ATG13: variants seen among roughly 807,000 people sequenced by gnomAD.
ATG13 encodes the protein autophagy related 13, also known as autophagy-related protein 13.
ATG13 carries 23 observed loss-of-function variants against 65.5 expected under a neutral mutation model. That is an observed-to-expected ratio of 0.35 (90% confidence interval 0.25 to 0.50). The LOEUF (loss-of-function observed/expected upper bound fraction) is 0.50. ATG13 is among the 20% of genes least tolerant of loss of function. The probability of loss-of-function intolerance (pLI) is 0.98; values close to 1 mark genes in which losing one functional copy is unlikely to be tolerated. For synonymous variants in ATG13, 252 were observed against 245.2 expected (o/e 1.03, Z -0.26); for missense variants, 566 against 677.0 (o/e 0.84, Z 1.82).
intron 2 of ATG13, 112 bp from the exon 3 acceptor site, chr11:46,644,167 C>T: frequency 2.7e-6 from 2 of 737,562 alleles, no homozygotes; most frequent in South Asian, 3.0e-5. Flanking sequence ...TTTTTCCTCC[C>T]ACTCCCACAT....
intron 16 of ATG13, 36 bp downstream of exon 16, chr11:46,668,612 G>A (rs190398050): frequency 6.3e-7 from 1 of 1,594,014 alleles, no homozygotes; most frequent in East Asian, 2.2e-5. Flanking sequence ...CCCAGTAGAT[G>A]GTGCGCTAGT....
At chr11:46,642,631 C>T (rs151067219) in intron 2 of ATG13, among the ~76,000 whole-genome samples, 218 of 152,250 alleles carry the variant, frequency 1.4e-3, no homozygotes, top group Non-Finnish European at 1.9e-3. Flanking sequence ...AAATATCACC[C>T]AATCATGCCT....
intron 2 of ATG13, among the ~76,000 whole-genome samples, chr11:46,639,280 C>G (rs1374738762): frequency 6.6e-6 from 1 of 152,144 alleles, no homozygotes. Context: ...GCCACCATGC[C>G]CAGCTTCCAC....
chr11:46,665,871 C>T (rs900274832), intron 14 of ATG13, among the ~76,000 whole-genome samples: 2 of 127,286 alleles, frequency 1.6e-5, no homozygotes, highest in African/African-American at 6.1e-5. Flanking sequence ...GTGGTACAAT[C>T]ATGGCTTATT....
chr11:46,664,250 G>A (rs908001565), intron 12 of ATG13, 155 bp downstream of exon 12: 7 of 575,278 alleles, frequency 1.2e-5, no homozygotes, highest in Middle Eastern at 4.6e-4. Flanking sequence ...ACACAGCCAC[G>A]GCCCAACAGC....
chr11:46,649,216 G>T, intron 6 of ATG13, 33 bp downstream of exon 6: 1 of 1,601,328 alleles, frequency 6.2e-7, no homozygotes, highest in South Asian at 1.1e-5. Flanking sequence ...CTTGGTTGTG[G>T]TTGCTGAGGA....
rs750231463 is a variant in ATG13 at position 46,644,366 on chromosome 11, G to A, written c.69+6G>A. On this transcript the variant is annotated splice_donor_region_variant and intron_variant, in intron 3 of 18. Transcript: ENST00000683050. ...TTAAATTTTTTGCCCTCAAGGTAAT[G>A]TGTCCATTCTCTTGAGCCTAGAACT... 8.7e-6 allele frequency: 14 copies of A among 1,600,114 alleles called. No individual in the cohort carries two copies. In the Admixed American group the frequency reaches 1.7e-4, roughly 20 times the overall value.
At chr11:46,655,853 T>G (rs2059940957) in intron 7 of ATG13, among the ~76,000 whole-genome samples, 1 of 152,138 alleles carries the variant, frequency 6.6e-6, no homozygotes, top group South Asian at 2.1e-4. Flanking sequence ...TCCTCCCACC[T>G]CAGCCTCCCA....
At chr11:46,656,319 T>C (rs1275009814) in intron 8 of ATG13, 46 bp downstream of exon 8, 1 of 1,544,518 alleles carries the variant, frequency 6.5e-7, no homozygotes, top group Non-Finnish European at 8.9e-7. Context: ...AGAGCTCTCC[T>C]AACTTCAGAG....
intron 7 of ATG13, among the ~76,000 whole-genome samples, chr11:46,654,901 C>G (rs1387832593): frequency 1.3e-5 from 2 of 149,682 alleles, no homozygotes; most frequent in African/African-American, 4.9e-5. Flanking sequence ...GAGTTCAAGA[C>G]CAGCCTGGGC....
chr11:46,672,470 G>T lies in ATG13; in HGVS notation c.*138G>T, dbSNP rs1175251667. 54 of 1,544,076 alleles carry T rather than the reference G, an allele frequency of 3.5e-5. No individual in the cohort carries two copies. Among genetic ancestry groups the T allele is most frequent in the Non-Finnish European group, 4.5e-5 (52 of 1,146,464 alleles). On this transcript the variant is annotated 3_prime_UTR_variant, in exon 19 of 19. Coordinates refer to ENST00000683050, the MANE Select transcript of ATG13 (RefSeq NM_001346311.2). ...GGCTGGCTTCTCCCATGGGGACCCA[G>T]AAGTCCCTACTCTTGGACCTCCTGG...
intron 10 of ATG13, among the ~76,000 whole-genome samples, chr11:46,657,984 G>T (rs1051046843): frequency 1.3e-5 from 2 of 151,854 alleles, no homozygotes; most frequent in African/African-American, 4.8e-5. Flanking sequence ...CAGGAGAATT[G>T]CTTGAACCTG....
chr11:46,633,420 C>T (rs554598634), intron 2 of ATG13, among the ~76,000 whole-genome samples: 11 of 151,842 alleles, frequency 7.2e-5, no homozygotes, highest in Non-Finnish European at 7.4e-5. Flanking sequence ...GCAATCTTGG[C>T]TCGTGCAACC....
chr11:46,654,412 T>C (rs2059605982), intron 7 of ATG13, among the ~76,000 whole-genome samples: 1 of 144,298 alleles, frequency 6.9e-6, no homozygotes, highest in Non-Finnish European at 1.5e-5. Context: ...TTTGGGAGAC[T>C]GAAGTGGGAG....
chr11:46,664,796 G>C, intron 12 of ATG13, 53 bp from the exon 13 acceptor site: 2 of 1,502,244 alleles, frequency 1.3e-6, no homozygotes, highest in South Asian at 2.3e-5. Flanking sequence ...CTCTGGGATT[G>C]CCTATTTTTT....
chr11:46,668,316 T>C (rs770752495), intron 15 of ATG13, among the ~76,000 whole-genome samples, 183 bp from the exon 16 acceptor site: 16 of 152,102 alleles, frequency 1.1e-4, no homozygotes, highest in Non-Finnish European at 2.1e-4. Flanking sequence ...TGTGGGTGTA[T>C]GTGATGGGGG....
chr11:46,655,137 C>T (rs546478940), intron 7 of ATG13, among the ~76,000 whole-genome samples: 11 of 151,850 alleles, frequency 7.2e-5, no homozygotes, highest in Non-Finnish European at 1.0e-4. Context: ...CAGTGGCTCA[C>T]GCCTGTAATC....
chr11:46,633,687 T>G (rs969866547), intron 2 of ATG13, among the ~76,000 whole-genome samples: 1 of 152,066 alleles, frequency 6.6e-6, no homozygotes, highest in Non-Finnish European at 1.5e-5. Context: ...GTTGCGAGTT[T>G]ATAGTCCCAG....
chr11:46,668,485 C>T lies in ATG13; in HGVS notation c.1252-14C>T, dbSNP rs1231398286. The T allele has an allele frequency of 6.2e-7, 1 of 1,613,460 alleles. No homozygotes were observed. The highest frequency in any genetic ancestry group is 1.7e-5 in the Admixed American group (1 of 60,020). ...AGGGGCAGGCATGAATGCTTTTCTC[C>T]TGTGTCTCTTCAGGTGACCCTGACG... is the stretch of plus-strand genomic sequence containing the variant. On this transcript the variant is annotated splice_polypyrimidine_tract_variant and intron_variant, in intron 15 of 18. Transcript: ENST00000683050.
Sources: gnomAD v4.1 joint callset for allele counts (sites outside exome capture counted in the v4.1 genomes callset) on GRCh38, gnomAD v4.1.1 for gene constraint, MANE v1.5 for transcripts, NCBI Gene and HGNC (gene_info 2026-07-23, HGNC 2026-07-21) for gene names.